NALF1: variants seen among roughly 807,000 people sequenced by gnomAD.
NALF1 encodes the protein family with sequence similarity 155 member A.
Under a neutral mutation model 48.4 loss-of-function variants are expected in NALF1, and 3 were observed. That is an observed-to-expected ratio of 0.06 (90% confidence interval 0.03 to 0.16). The LOEUF is 0.16. Ranked by LOEUF, NALF1 falls within the 10% of genes least tolerant of loss-of-function variation. The pLI is 1.00. For synonymous variants in NALF1, 262 were observed against 245.7 expected (o/e 1.07, Z -0.62); for missense variants, 526 against 571.5 (o/e 0.92, Z 0.81).
intron 1 of NALF1, among the ~76,000 whole-genome samples, chr13:107,854,732 C>T (rs1004771131): frequency 1.3e-5 from 2 of 151,922 alleles, no homozygotes; most frequent in African/African-American, 4.8e-5. Flanking sequence ...AAATTAGCCA[C>T]GCACGGTGGT....
chr13:107,181,538 A>G (rs973134044), intron 2 of NALF1, among the ~76,000 whole-genome samples: 2 of 145,150 alleles, frequency 1.4e-5, no homozygotes, highest in Non-Finnish European at 3.0e-5. Context: ...CTTATTTTTC[A>G]TTATATTAAG....
At chr13:107,416,499 C>T (rs1278884545) in intron 1 of NALF1, among the ~76,000 whole-genome samples, 1 of 152,080 alleles carries the variant, frequency 6.6e-6, no homozygotes, top group East Asian at 1.9e-4. Context: ...TATGATTATC[C>T]ACTTCCACTT....
chr13:107,614,621 T>C (rs1377013806), intron 1 of NALF1, among the ~76,000 whole-genome samples: 1 of 152,190 alleles, frequency 6.6e-6, no homozygotes, highest in African/African-American at 2.4e-5. Context: ...AGTAAACAAA[T>C]ATACCAACTA....
Position 107,865,884 on chromosome 13 carries a change from A to G in NALF1, c.713T>C (p.Leu238Ser), listed in dbSNP as rs1473035793. ...GCAGTTCAAAGTGTTGGGACTGGACAACCCCGAGAACAACTCCCAAAGTGT... is the reference window on the plus strand; with the variant it reads ...GCAGTTCAAAGTGTTGGGACTGGACGACCCCGAGAACAACTCCCAAAGTGT... ...SYTLWELFSG[L>S]SSPNTLNCSL... Residue 238 changes from leucine to serine, a missense_variant, in exon 1 of 3, where the codon TTG becomes TCG. By Grantham distance (145) the Leu-to-Ser change is moderately radical. This residue lies in a region of NALF1 where 373 missense variants were observed against 355.5 expected (regional missense o/e 1.05). Transcript: ENST00000375915. The G allele has an allele frequency of 1.9e-6, 3 of 1,614,086 alleles. No homozygotes were observed. The highest frequency in any genetic ancestry group is 1.3e-5 in the African/African-American group (1 of 75,030).
chr13:107,633,783 A>G (rs1025447152), intron 1 of NALF1, among the ~76,000 whole-genome samples: 1 of 147,678 alleles, frequency 6.8e-6, no homozygotes, highest in African/African-American at 2.5e-5. Context: ...ATATATGGAT[A>G]TATATATATT....
intron 1 of NALF1, among the ~76,000 whole-genome samples, chr13:107,771,503 T>C (rs117553540): frequency 2.1e-5 from 3 of 144,226 alleles, no homozygotes; most frequent in Non-Finnish European, 4.5e-5. Flanking sequence ...ATATAAAATC[T>C]ATAATATGTA....
Position 107,178,869 on chromosome 13 carries a change from C to T in NALF1, c.1088-8083G>A, listed in dbSNP as rs189606364. 2.9e-3 allele frequency among the ~76,000 whole-genome samples: 448 copies of T among 151,950 alleles called. 2 individuals carry two copies. Among genetic ancestry groups the T allele is most frequent in the African/African-American group, 0.01 (418 of 41,434 alleles). On this transcript the variant is annotated intron_variant, in intron 2 of 2. Coordinates refer to ENST00000375915, the MANE Select transcript of NALF1 (RefSeq NM_001080396.3). ...CTGAGTCAGGAGAATGGCGTGAACC[C>T]AGGAGGCGGAGCTTGCAGTGAGCCG...
At chr13:107,524,121 C>T (rs1261511689) in intron 1 of NALF1, among the ~76,000 whole-genome samples, 2 of 152,090 alleles carry the variant, frequency 1.3e-5, no homozygotes, top group African/African-American at 4.8e-5. Context: ...GGTCAAAGGG[C>T]AGGCCATAGA....
chr13:107,737,668 T>G (rs937955484), intron 1 of NALF1, among the ~76,000 whole-genome samples: 3 of 152,196 alleles, frequency 2.0e-5, no homozygotes, highest in Admixed American at 2.0e-4. Context: ...ACTAACTTTC[T>G]GAGAAGCTCA....
intron 1 of NALF1, among the ~76,000 whole-genome samples, chr13:107,774,590 T>A (rs573165285): frequency 2.6e-5 from 4 of 152,340 alleles, no homozygotes; most frequent in Non-Finnish European, 4.4e-5. Flanking sequence ...AGCATATAAC[T>A]TTGGTTACTA....
intron 1 of NALF1, among the ~76,000 whole-genome samples, chr13:107,244,283 G>A: frequency 6.6e-6 from 1 of 152,134 alleles, no homozygotes; most frequent in East Asian, 1.9e-4. Context: ...TTTTCTGATG[G>A]TCTTACATTC....
chr13:107,170,503 C>G lies in NALF1; in HGVS notation c.1371G>C (p.Glu457Asp). 1 of 1,597,358 alleles carries G rather than the reference C, an allele frequency of 6.3e-7. No individual in the cohort carries two copies. The highest frequency in any genetic ancestry group is 1.1e-5 in the South Asian group (1 of 90,882). The stretch of plus-strand genomic sequence containing the variant: ...GGTGACACTCGTCCTTCCGTTACTC[C>G]TCATTGGTTGAGTTTTCTTCCAGCG... ...INTLEENSTNEE is the reference protein window; with the variant it reads ...INTLEENSTNDE The change falls in exon 3 of 3, where the codon GAG becomes GAC. Residue 457 changes from glutamate (E) to aspartate (D), a missense_variant. By Grantham distance (45) the Glu-to-Asp change is conservative. Coordinates refer to ENST00000375915, the MANE Select transcript of NALF1 (RefSeq NM_001080396.3).
chr13:107,377,231 T>C (rs1461930838), intron 1 of NALF1, among the ~76,000 whole-genome samples: 3 of 152,196 alleles, frequency 2.0e-5, no homozygotes, highest in Non-Finnish European at 4.4e-5. Context: ...TGTGTTCATC[T>C]GCTCTAAAAT....
In NALF1 at chr13:107,230,134, T is replaced by C. The variant is rs183999159; in HGVS notation, c.916-19379A>G. 3.9e-5 allele frequency among the ~76,000 whole-genome samples: 6 copies of C among 152,334 alleles called. No homozygotes were observed. The East Asian group carries it at 1.2e-3, about 29-fold the overall frequency. On this transcript the variant is annotated intron_variant, in intron 1 of 2. Coordinates refer to ENST00000375915, the MANE Select transcript of NALF1 (RefSeq NM_001080396.3). Reference sequence around the variant, plus strand: ...CTCTCTTTATGGATAGAAACACTTTTGAATGAAAATTAATATTATGTCATG... The same window carrying C: ...CTCTCTTTATGGATAGAAACACTTTCGAATGAAAATTAATATTATGTCATG...
chr13:107,395,759 C>T (rs944418988), intron 1 of NALF1, among the ~76,000 whole-genome samples: 2 of 152,082 alleles, frequency 1.3e-5, no homozygotes, highest in African/African-American at 4.8e-5. Context: ...AGGCTTCTCT[C>T]ATAGACTTGT....
intron 1 of NALF1, among the ~76,000 whole-genome samples, chr13:107,708,030 T>C (rs1875454808): frequency 6.6e-6 from 1 of 151,468 alleles, no homozygotes; most frequent in Non-Finnish European, 1.5e-5. Flanking sequence ...GGTGTATGTG[T>C]TTTCTGGATA....
chr13:107,369,437 A>T (rs770530727), intron 1 of NALF1, among the ~76,000 whole-genome samples: 1 of 152,182 alleles, frequency 6.6e-6, no homozygotes, highest in Non-Finnish European at 1.5e-5. Flanking sequence ...TATATTTTTC[A>T]TTATGTATAC....
intron 1 of NALF1, among the ~76,000 whole-genome samples, chr13:107,698,071 T>A (rs1168016212): frequency 6.6e-6 from 1 of 152,144 alleles, no homozygotes; most frequent in Non-Finnish European, 1.5e-5. Context: ...AAATTTCTTC[T>A]GGAAATCTCT....
intron 1 of NALF1, among the ~76,000 whole-genome samples, chr13:107,844,011 T>C (rs1040217761): frequency 6.6e-5 from 10 of 152,172 alleles, no homozygotes; most frequent in Non-Finnish European, 1.2e-4. Context: ...AAAAAATGCT[T>C]AGTCTTTACT....
Sources: allele counts gnomAD v4.1 joint callset (sites outside exome capture counted in the v4.1 genomes callset), GRCh38; gene constraint gnomAD v4.1.1; regional missense constraint gnomAD v4.1.1; transcripts MANE v1.5; gene names NCBI Gene and HGNC (gene_info 2026-07-23, HGNC 2026-07-21).